The following HCFC2 variants were observed in gnomAD, a reference collection of about 807,000 sequenced individuals.
The protein encoded by HCFC2 is host cell factor C2.
In HCFC2, 18 loss-of-function variants were observed where a neutral mutation model predicts 89.2. The observed-to-expected ratio is 0.20, with a 90% CI of 0.14 to 0.30. The LOEUF (loss-of-function observed/expected upper bound fraction) is 0.30, where lower values mean the gene tolerates loss of function less well. Ranked by LOEUF, HCFC2 falls within the 10% of genes least tolerant of loss-of-function variation. HCFC2 has a pLI of 1.00. For missense variants in HCFC2, 578 were observed against 956.1 expected, an observed-to-expected ratio of 0.60 and a Z score of 5.21; for synonymous variants, 308 against 335.7, an observed-to-expected ratio of 0.92 and a Z score of 0.90.
intron 3 of HCFC2, among the ~76,000 whole-genome samples, chr12:104,078,126 G>A (rs1354766204): frequency 1.3e-5 from 2 of 151,990 alleles, no homozygotes; most frequent in Non-Finnish European, 2.9e-5. Context: ...AGCCTCCCGA[G>A]TAGCTGGGAC....
At chr12:104,074,273 G>A (rs746124743) in intron 3 of HCFC2, among the ~76,000 whole-genome samples, 7 of 152,156 alleles carry the variant, frequency 4.6e-5, no homozygotes, top group Non-Finnish European at 1.0e-4. Context: ...TGAGTAGCCA[G>A]CTGGGACCAC....
chr12:104,064,900 C>CA lies in HCFC2; in HGVS notation c.163+178dup. The CA allele has an allele frequency of 2.1e-6, 1 of 478,944 alleles. No homozygotes were observed. The highest frequency in any genetic ancestry group is 3.5e-6 in the Non-Finnish European group (1 of 287,834). 29.7% of individuals were successfully genotyped at this position (478,944 alleles called of 1,614,324 possible). ...GGTCCGGCAGCTCTGTCCCGGACCGCAGCTCAGGATCTCCGGGGCCCTTGG... is the reference window on the plus strand; with the variant it reads ...GGTCCGGCAGCTCTGTCCCGGACCGCAAGCTCAGGATCTCCGGGGCCCTTGG... On this transcript the variant is annotated intron_variant, in intron 1 of 14. Transcript: ENST00000229330. This position sits in a 1 kb window ranked among gnomAD's most constrained non-coding sequence, Gnocchi z 7.3.
chr12:104,092,195 C>G (rs1434801891), intron 9 of HCFC2, among the ~76,000 whole-genome samples: 4 of 152,190 alleles, frequency 2.6e-5, no homozygotes, highest in African/African-American at 9.7e-5. Context: ...CGGCTGGGTT[C>G]TGTGGCTCAC....
chr12:104,091,644 GT>G (rs1206298009), intron 9 of HCFC2, among the ~76,000 whole-genome samples: 2 of 152,130 alleles, frequency 1.3e-5, no homozygotes, highest in Non-Finnish European at 2.9e-5. Context: ...TAAAATTCCA[GT>G]TAGACTGAGT....
Position 104,082,557 on chromosome 12 carries a change from T to C in HCFC2, c.825T>C (p.Pro275=). ...PHKGENTETS[P]HDCEWRCTSS... ...AGGGGGAAAATACTGAGACTTCACC[T>C]CATGATTGTGAATGGAGATGTACCA... The change falls in exon 6 of 15, where the codon CCT becomes CCC. Residue 275 remains proline, a synonymous_variant. Transcript: ENST00000229330. The C allele has an allele frequency of 3.7e-6, 6 of 1,613,874 alleles. No individual in the cohort carries two copies. Among genetic ancestry groups the C allele is most frequent in the Non-Finnish European group, 5.1e-6 (6 of 1,179,786 alleles).
Position 104,100,074 on chromosome 12 carries a change from A to G in HCFC2, c.1878+1594A>G, listed in dbSNP as rs141185881. On this transcript the variant is annotated intron_variant, in intron 13 of 14. Coordinates refer to ENST00000229330, the MANE Select transcript of HCFC2 (RefSeq NM_013320.3). ...TAGAGAATGGAACTTTTTTTTTCCT[A>G]TTGAAAAAGAATTTTTTTATTCCTC... 3.9e-5 allele frequency among the ~76,000 whole-genome samples: 6 copies of G among 151,908 alleles called. No individual in the cohort carries two copies. The East Asian group carries it at 5.8e-4, about 15-fold the overall frequency.
chr12:104,067,312 G>T (rs1480177928), intron 2 of HCFC2, among the ~76,000 whole-genome samples: 1 of 152,116 alleles, frequency 6.6e-6, no homozygotes, highest in African/African-American at 2.4e-5. Flanking sequence ...TACAAAAGAG[G>T]AGTAACAGTT....
rs1883616934 is a variant in HCFC2 at position 104,079,524 on chromosome 12, G to A, written c.553G>A (p.Val185Ile). Residue 185 changes from valine (V) to isoleucine (I), a missense_variant, in exon 4 of 15, where the codon GTT becomes ATT. By Grantham distance (29) the Val-to-Ile change is conservative. Transcript: ENST00000229330. ...TTGGAGCATTCCAGTGACTAAAGGG[G>A]TTGTGCCTTCTCCAAGAGAATCCCA... ...VGWSIPVTKGVVPSPRESHTA... is the reference protein window; with the variant it reads ...VGWSIPVTKGIVPSPRESHTA... The A allele has an allele frequency of 2.5e-6, 4 of 1,613,938 alleles. No homozygotes were observed. The highest frequency in any genetic ancestry group is 1.6e-4 in the Middle Eastern group (1 of 6,084).
chr12:104,066,099 A>G (rs1354398117), intron 1 of HCFC2, 68 bp from the exon 2 acceptor site: 2 of 1,435,168 alleles, frequency 1.4e-6, no homozygotes, highest in Non-Finnish European at 1.9e-6. Context: ...TTGATGATAT[A>G]TATTTGCTGA....
intron 3 of HCFC2, among the ~76,000 whole-genome samples, chr12:104,077,557 T>G (rs1168437910): frequency 6.6e-6 from 1 of 151,728 alleles, no homozygotes; most frequent in Non-Finnish European, 1.5e-5. Flanking sequence ...CCTGTTTTTT[T>G]TTTTTTTTTT....
At chr12:104,082,479 T>TTTTG (rs1386882348) in intron 5 of HCFC2, 21 bp from the exon 6 acceptor site, 1 of 1,436,146 alleles carries the variant, frequency 7.0e-7, no homozygotes, top group Non-Finnish European at 9.8e-7. Context: ...TACTTTATGT[T>TTTTG]TTTGTTTTGT....
chr12:104,079,297 T>G, intron 3 of HCFC2, 148 bp from the exon 4 acceptor site: 1 of 627,352 alleles, frequency 1.6e-6, no homozygotes, highest in Non-Finnish European at 2.8e-6. Flanking sequence ...ATTGTATGAA[T>G]GAGGTTTGGG....
chr12:104,082,163 T>G (rs1883705984), intron 5 of HCFC2, among the ~76,000 whole-genome samples: 2 of 152,230 alleles, frequency 1.3e-5, no homozygotes, highest in African/African-American at 4.8e-5. Context: ...TGACTTTGGA[T>G]GTCATAGATC....
At chr12:104,083,614 A>G (rs552374031) in intron 7 of HCFC2, among the ~76,000 whole-genome samples, 16 of 152,172 alleles carry the variant, frequency 1.1e-4, no homozygotes, top group Admixed American at 3.9e-4. Flanking sequence ...CAAATGTGGT[A>G]ATATTAGGGG....
chr12:104,079,563 T>C lies in HCFC2; in HGVS notation c.592T>C (p.Tyr198His). The C allele has an allele frequency of 1.9e-6, 3 of 1,614,162 alleles. No individual in the cohort carries two copies. The highest frequency in any genetic ancestry group is 2.5e-6 in the Non-Finnish European group (3 of 1,180,008). ...AAGAGAATCCCACACAGCTGTTATA[T>C]ATTGCAAAAAAGATTCTGGAAGTCC... ...SPRESHTAVIYCKKDSGSPKM... is the reference protein window; with the variant it reads ...SPRESHTAVIHCKKDSGSPKM... Residue 198 changes from tyrosine (Y) to histidine (H), a missense_variant, in exon 4 of 15, where the codon TAT (tyrosine) becomes CAT (histidine). Coordinates refer to ENST00000229330, the MANE Select transcript of HCFC2 (RefSeq NM_013320.3).
chr12:104,083,014 G>A, intron 7 of HCFC2, 113 bp downstream of exon 7: 1 of 708,582 alleles, frequency 1.4e-6, no homozygotes, highest in Non-Finnish European at 2.3e-6. Context: ...AATTAAGTAT[G>A]AATGGAAGAA....
At chr12:104,070,250 G>C (rs1463814635) in intron 3 of HCFC2, among the ~76,000 whole-genome samples, 2 of 151,620 alleles carry the variant, frequency 1.3e-5, no homozygotes, top group Admixed American at 1.3e-4. Flanking sequence ...GGATGGTCTC[G>C]ATCTCCTGAC....
rs1884157479 is a variant in HCFC2, at chr12:104,095,702, A to C, written c.1666+139A>C. The C allele has an allele frequency of 1.5e-6, 1 of 652,200 alleles. No individual in the cohort carries two copies. The highest frequency in any genetic ancestry group is 3.3e-5 in the Admixed American group (1 of 30,512). The allele number at this position is 652,200 out of a possible 1,614,324, so 40.4% of individuals were successfully genotyped here. A position where few individuals can be genotyped will look rare whatever the true frequency, so the allele number is the denominator to read the frequency against. On this transcript the variant is annotated intron_variant, in intron 11 of 14. Transcript: ENST00000229330. The surrounding 1 kb of genome is among the most constrained non-coding windows in gnomAD (Gnocchi z 4.2). The stretch of plus-strand genomic sequence containing the variant: ...TTTTAACTTAATTTCTGTGAGCAAG[A>C]GTTTTCATTTGACCTAAATTTAACT...
At chr12:104,073,838 C>A (rs1883415819) in intron 3 of HCFC2, among the ~76,000 whole-genome samples, 1 of 152,170 alleles carries the variant, frequency 6.6e-6, no homozygotes, top group African/African-American at 2.4e-5. Flanking sequence ...CAAACTATAT[C>A]CTGTGGGCCA....
Sources: allele counts gnomAD v4.1 joint callset (sites outside exome capture counted in the v4.1 genomes callset), GRCh38; gene constraint gnomAD v4.1.1; non-coding constraint Gnocchi (gnomAD v3.1); transcripts MANE v1.5; gene names NCBI Gene and HGNC (gene_info 2026-07-23, HGNC 2026-07-21).